CACNA2D3: variants seen among roughly 807,000 people sequenced by gnomAD.
CACNA2D3 encodes the protein calcium voltage-gated channel auxiliary subunit alpha2delta 3, also known as voltage-dependent calcium channel subunit alpha-2/delta-3.
CACNA2D3 carries 60 observed loss-of-function variants against 160.6 expected under a neutral mutation model. The observed-to-expected ratio is 0.37, with a 90% CI of 0.30 to 0.46. The LOEUF is 0.46. CACNA2D3 is among the 20% of genes least tolerant of loss of function. The pLI, the probability that CACNA2D3 is intolerant of heterozygous loss-of-function variation, is 1.00. For missense variants in CACNA2D3, 1,205 were observed against 1,365.0 expected (o/e 0.88, Z 1.85); for synonymous variants, 558 against 492.9 (o/e 1.13, Z -1.75).
At chr3:54,837,100 C>A (rs1698708353) in intron 14 of CACNA2D3, 59 bp from the exon 15 acceptor site, 2 of 1,422,454 alleles carry the variant, frequency 1.4e-6, no homozygotes, top group South Asian at 1.1e-5. Flanking sequence ...AAGGGGGTGG[C>A]CTCCAGAACT....
intron 14 of CACNA2D3, among the ~76,000 whole-genome samples, chr3:54,819,168 C>T (rs1703529251): frequency 6.6e-6 from 1 of 152,186 alleles, no homozygotes; most frequent in African/African-American, 2.4e-5. Context: ...GCTGCTTGAC[C>T]AGCAAAGGAA....
In CACNA2D3 at chr3:54,123,719, G is replaced by A. The variant is rs535878848; in HGVS notation, c.204+125G>A. On this transcript the variant is annotated intron_variant, in intron 2 of 37. Transcript: ENST00000474759. ...TTATCGGAGGACTCTCTGATCCCCGGGTTTCTTGGCATTGTACTATGCAGT... is the reference window on the plus strand; with the variant it reads ...TTATCGGAGGACTCTCTGATCCCCGAGTTTCTTGGCATTGTACTATGCAGT... 1.8e-5 allele frequency: 14 copies of A among 797,072 alleles called. 1 individual carries two copies. Among genetic ancestry groups the A allele is most frequent in the Middle Eastern group, 4.9e-4 (2 of 4,070 alleles). The allele number at this position is 797,072 out of a possible 1,614,324, so 49.4% of individuals were successfully genotyped here.
At chr3:54,313,331 G>T (rs1358533132) in intron 2 of CACNA2D3, among the ~76,000 whole-genome samples, 1 of 151,968 alleles carries the variant, frequency 6.6e-6, no homozygotes, top group African/African-American at 2.4e-5. Flanking sequence ...CTTCCCCATT[G>T]CCATCTTTCG....
intron 2 of CACNA2D3, among the ~76,000 whole-genome samples, chr3:54,154,051 G>A (rs1700197332): frequency 6.6e-6 from 1 of 152,174 alleles, no homozygotes; most frequent in Admixed American, 6.5e-5. Flanking sequence ...ATGGGCATTT[G>A]TGTTGGCATG....
intron 11 of CACNA2D3, among the ~76,000 whole-genome samples, chr3:54,682,161 G>GCA (rs138753206): frequency 0.24 from 35,118 of 144,558 alleles, 4,203 homozygotes; most frequent in African/African-American, 0.27. Context: ...AAACAGAACA[G>GCA]CACACACACA....
At chr3:54,213,236 T>C (rs1295037386) in intron 2 of CACNA2D3, among the ~76,000 whole-genome samples, 1 of 152,224 alleles carries the variant, frequency 6.6e-6, no homozygotes, top group Non-Finnish European at 1.5e-5. Context: ...AAACCTATTT[T>C]ATTTCTTTTA....
At chr3:54,154,904 T>C (rs1700218291) in intron 2 of CACNA2D3, among the ~76,000 whole-genome samples, 1 of 152,260 alleles carries the variant, frequency 6.6e-6, no homozygotes, top group Admixed American at 6.5e-5. Flanking sequence ...TTCATGGTTT[T>C]ACCTGATACT....
At chr3:54,549,451 C>CA (rs1293486952) in intron 5 of CACNA2D3, among the ~76,000 whole-genome samples, 64 of 151,890 alleles carry the variant, frequency 4.2e-4, no homozygotes, top group East Asian at 9.7e-4. Flanking sequence ...GTCTCAAAAA[C>CA]AAAAAAAACA....
chr3:54,166,565 A>G (rs1232749347), intron 2 of CACNA2D3, among the ~76,000 whole-genome samples: 2 of 152,082 alleles, frequency 1.3e-5, no homozygotes, highest in African/African-American at 4.8e-5. Context: ...AAATTATTTA[A>G]ATTTGGTAAT....
chr3:54,900,474 A>G (rs1402185609), intron 27 of CACNA2D3, among the ~76,000 whole-genome samples: 1 of 152,134 alleles, frequency 6.6e-6, no homozygotes, highest in Non-Finnish European at 1.5e-5. Flanking sequence ...GTGGATGGCT[A>G]GGGGCTTTCA....
At chr3:54,991,308 C>A (rs562757916) in intron 31 of CACNA2D3, among the ~76,000 whole-genome samples, 1 of 151,778 alleles carries the variant, frequency 6.6e-6, no homozygotes, top group Non-Finnish European at 1.5e-5. Flanking sequence ...CTGCAACCAC[C>A]GCCTTCTGGG....
chr3:54,676,648 C>G (rs1251767639), intron 11 of CACNA2D3, among the ~76,000 whole-genome samples: 1 of 152,136 alleles, frequency 6.6e-6, no homozygotes, highest in Non-Finnish European at 1.5e-5. Flanking sequence ...TGGCAGGAAT[C>G]CCAGTGAGCA....
In CACNA2D3 at chr3:55,073,670, G is replaced by A; in HGVS notation, c.3101-107G>A. The stretch of plus-strand genomic sequence containing the variant: ...GAAGGAAAATTACATCCTTTCCACT[G>A]TTGGAGAGAGAGAGTAGTTAAGAGA... On this transcript the variant is annotated intron_variant, in intron 36 of 37. Transcript: ENST00000474759. 4 of 1,239,836 alleles carry A rather than the reference G, an allele frequency of 3.2e-6. No individual in the cohort carries two copies. The South Asian group carries it at 5.1e-5, about 16-fold the overall frequency. The allele number at this position is 1,239,836 out of a possible 1,614,324, so 76.8% of individuals were successfully genotyped here. A position where few individuals can be genotyped will look rare whatever the true frequency, so the allele number is the denominator to read the frequency against.
chr3:54,401,868 C>T (rs1014311741), intron 4 of CACNA2D3, among the ~76,000 whole-genome samples: 1 of 152,244 alleles, frequency 6.6e-6, no homozygotes, highest in South Asian at 2.1e-4. Flanking sequence ...ATATGATACT[C>T]TGTAAATCGT....
At chr3:55,074,019 C>T (rs933936287) in intron 37 of CACNA2D3, 95 bp from the exon 38 acceptor site, 38 of 1,184,852 alleles carry the variant, frequency 3.2e-5, no homozygotes, top group African/African-American at 2.4e-4. Context: ...CAGAAGACTT[C>T]GTTCTTACGT....
At chr3:54,280,109 T>G (rs765403961) in intron 2 of CACNA2D3, among the ~76,000 whole-genome samples, 6 of 151,744 alleles carry the variant, frequency 4.0e-5, no homozygotes, top group Non-Finnish European at 5.9e-5. Flanking sequence ...TGAGACGGAG[T>G]CTTGTTCTGT....
At chr3:55,049,862 C>A (rs1232513084) in intron 35 of CACNA2D3, among the ~76,000 whole-genome samples, 3 of 150,908 alleles carry the variant, frequency 2.0e-5, no homozygotes, top group African/African-American at 7.4e-5. Context: ...ATGTAATAGC[C>A]TTCTTTGTCT....
intron 2 of CACNA2D3, among the ~76,000 whole-genome samples, chr3:54,194,509 C>T (rs547804161): frequency 9.2e-5 from 14 of 152,206 alleles, no homozygotes; most frequent in Non-Finnish European, 1.3e-4. Context: ...TCTCTGGAAT[C>T]TTCCTCCTGG....
chr3:54,284,838 A>G (rs1575367665), intron 2 of CACNA2D3, among the ~76,000 whole-genome samples: 1 of 152,250 alleles, frequency 6.6e-6, no homozygotes, highest in Non-Finnish European at 1.5e-5. Context: ...ACACCTCTTC[A>G]GTATCCTGGA....
Sources: allele counts gnomAD v4.1 joint callset (sites outside exome capture counted in the v4.1 genomes callset), GRCh38; gene constraint gnomAD v4.1.1; transcripts MANE v1.5; gene names NCBI Gene and HGNC (gene_info 2026-07-23, HGNC 2026-07-21).